TRRAP: variants seen among roughly 807,000 people sequenced by gnomAD.
TRRAP encodes transformation/transcription domain-associated protein.
TRRAP carries 41 observed loss-of-function variants against 438.8 expected under a neutral mutation model. The ratio of observed to expected loss-of-function variants is 0.09; its 90% CI spans 0.07 to 0.12. The LOEUF (loss-of-function observed/expected upper bound fraction) is 0.12, where lower values mean the gene tolerates loss of function less well. TRRAP is among the 10% of genes least tolerant of loss of function. The probability of loss-of-function intolerance (pLI) is 1.00; values close to 1 mark genes in which losing one functional copy is unlikely to be tolerated. For missense variants in TRRAP, 3,122 were observed against 5,055.1 expected, an observed-to-expected ratio of 0.62 and a Z score of 11.60; for synonymous variants, 1,994 against 1,962.9, an observed-to-expected ratio of 1.02 and a Z score of -0.42.
At chr7:98,940,374 G>A (rs1554415304) in intron 30 of TRRAP, among the ~76,000 whole-genome samples, 1 of 151,292 alleles carries the variant, frequency 6.6e-6, no homozygotes, top group Non-Finnish European at 1.5e-5. Context: ...ATTTTTAGTA[G>A]AGACGGGGCT....
intron 3 of TRRAP, among the ~76,000 whole-genome samples, chr7:98,886,273 ATATATC>A (rs578066883): frequency 2.0e-5 from 3 of 152,038 alleles, no homozygotes; most frequent in African/African-American, 4.8e-5. Context: ...CTGGGCAACA[ATATATC>A]TATATCTATA....
rs1554419758 is a variant in TRRAP, at chr7:98,956,283, G to A, written c.6075G>A (p.Leu2025=). The change falls in exon 42 of 73, where the codon CTG becomes CTA. Residue 2025 remains leucine, a synonymous_variant. Coordinates refer to ENST00000456197, the MANE Select transcript of TRRAP (RefSeq NM_001375524.1). This position sits in a 1 kb window ranked among gnomAD's most constrained non-coding sequence, Gnocchi z 4.5. ...DLSEVVIKWE[L]QRIKDQQPDS... is the part of the protein sequence containing the mutation. Reference sequence around the variant, plus strand: ...CTGAAGTCGTCATCAAGTGGGAGCTGCAGAGGATCAAGGACCAGCAGGTAG... The same window carrying A: ...CTGAAGTCGTCATCAAGTGGGAGCTACAGAGGATCAAGGACCAGCAGGTAG... 6 of 1,614,252 alleles carry A rather than the reference G, an allele frequency of 3.7e-6. No homozygotes were observed. Among genetic ancestry groups the A allele is most frequent in the Non-Finnish European group, 4.2e-6 (5 of 1,180,032 alleles).
rs1458408732 is a variant in TRRAP, at chr7:98,962,571, G to A, written c.6829+144G>A. On this transcript the variant is annotated intron_variant, in intron 47 of 72. Transcript: ENST00000456197. ...CGTTGTTCAGGTGTCTGTTGCCTGG[G>A]GCCCTCAAGGCCGCCGTCTCCTGTA... is the stretch of plus-strand genomic sequence containing the variant. 19 of 1,450,042 alleles carry A rather than the reference G, an allele frequency of 1.3e-5. No homozygotes were observed. The East Asian group carries it at 4.4e-4, about 33-fold the overall frequency. 89.8% of individuals were successfully genotyped at this position (1,450,042 alleles called of 1,614,324 possible).
chr7:98,881,815 G>C (rs1193308292), intron 2 of TRRAP, 160 bp from the exon 3 acceptor site: 2 of 654,508 alleles, frequency 3.1e-6, no homozygotes, highest in Non-Finnish European at 5.1e-6. Context: ...AAATGGGTGC[G>C]ACTGGTTGTA....
chr7:98,914,802 T>C (rs1789447898), intron 18 of TRRAP, among the ~76,000 whole-genome samples: 1 of 145,128 alleles, frequency 6.9e-6, no homozygotes, highest in Non-Finnish European at 1.5e-5. Flanking sequence ...ACAATTTTCA[T>C]AGAACTTTTT....
Position 98,976,602 on chromosome 7 carries a change from C to T in TRRAP, c.8079C>T (p.Ile2693=). ...CCATGTCCCAGTGCGTGCCGCCAAT[C>T]CCCATCCGACCCTGCGTCCTGAAGT... ...VEAMSQCVPP[I]PIRPCVLKYL... is the part of the protein sequence containing the mutation. Residue 2693 remains isoleucine, a synonymous_variant, in exon 55 of 73, where the codon ATC becomes ATT. Coordinates refer to ENST00000456197, the MANE Select transcript of TRRAP (RefSeq NM_001375524.1). The surrounding 1 kb of genome is among the most constrained non-coding windows in gnomAD (Gnocchi z 4.6). 6.2e-7 allele frequency: 1 copy of T among 1,614,222 alleles called. No individual in the cohort carries two copies. Among genetic ancestry groups the T allele is most frequent in the Non-Finnish European group, 8.5e-7 (1 of 1,180,054 alleles).
intron 67 of TRRAP, among the ~76,000 whole-genome samples, chr7:98,995,831 TGTCCCATCATA>T (rs891477072): frequency 1.7e-4 from 23 of 138,580 alleles, no homozygotes; most frequent in Non-Finnish European, 3.3e-4. Flanking sequence ...TACTTACTCT[TGTCCCATCATA>T]GACACCTACA....
At chr7:98,991,053 C>T (rs1355479666) in intron 64 of TRRAP, among the ~76,000 whole-genome samples, 2 of 152,150 alleles carry the variant, frequency 1.3e-5, no homozygotes, top group Admixed American at 6.5e-5. Context: ...GTCGCCCTTT[C>T]GACAGTTGAG....
At chr7:99,000,338 G>A (rs2116839968) in intron 67 of TRRAP, among the ~76,000 whole-genome samples, 1 of 152,270 alleles carries the variant, frequency 6.6e-6, no homozygotes, top group South Asian at 2.1e-4. Context: ...AGTTCGTGCA[G>A]ATCCCATTTA....
Position 98,983,564 on chromosome 7 carries a change from T to C in TRRAP, c.9022+105T>C, listed in dbSNP as rs219807. On this transcript the variant is annotated intron_variant, in intron 60 of 72. Coordinates refer to ENST00000456197, the MANE Select transcript of TRRAP (RefSeq NM_001375524.1). ...GGTTTGGTTTGGTTTGGTTTTTTTT[T>C]CCCCCAGGTTTTCTATTTTGGGGTA... 1,012 of 1,340,270 alleles carry C rather than the reference T, an allele frequency of 7.6e-4. 11 individuals are homozygous for C. The African/African-American group carries it at 0.013, about 18-fold the overall frequency. 83.0% of individuals were successfully genotyped at this position (1,340,270 alleles called of 1,614,324 possible). A position where few individuals can be genotyped will look rare whatever the true frequency, so the allele number is the denominator to read the frequency against.
At chr7:98,916,476 G>A (rs1331409002) in intron 19 of TRRAP, among the ~76,000 whole-genome samples, 2 of 152,180 alleles carry the variant, frequency 1.3e-5, no homozygotes, top group East Asian at 3.9e-4. Flanking sequence ...TTCTTGGTAT[G>A]GTGAGCTCTT....
chr7:98,958,188 A>G (rs1791715904), intron 44 of TRRAP, 97 bp downstream of exon 44: 5 of 1,059,604 alleles, frequency 4.7e-6, no homozygotes, highest in Non-Finnish European at 6.7e-6. Flanking sequence ...ATCAAAAAAG[A>G]TACAGACAAA....
intron 18 of TRRAP, among the ~76,000 whole-genome samples, chr7:98,913,439 C>T (rs1789374545): frequency 6.6e-6 from 1 of 152,022 alleles, no homozygotes; most frequent in South Asian, 2.1e-4. Context: ...TAGGTGCATG[C>T]CACCACGTTT....
intron 23 of TRRAP, among the ~76,000 whole-genome samples, chr7:98,929,200 A>G (rs1790210439): frequency 1.3e-5 from 2 of 151,888 alleles, no homozygotes; most frequent in Admixed American, 1.3e-4. Flanking sequence ...TCGGCCTCCC[A>G]AAGTGCTGGG....
chr7:98,937,451 A>T (rs1790608784), intron 29 of TRRAP, among the ~76,000 whole-genome samples, 174 bp downstream of exon 29: 2 of 152,276 alleles, frequency 1.3e-5, no homozygotes, highest in Non-Finnish European at 2.9e-5. Context: ...TTTCATAGTC[A>T]TACTGAGTTT....
In TRRAP at chr7:98,972,032, C is replaced by T. The variant is rs148951362; in HGVS notation, c.7839+87C>T. The stretch of plus-strand genomic sequence containing the variant: ...TCAGGATCATTCCACAGCAGTGTAA[C>T]TTTTTCTGTTTCTTTTCTTTTTCTT... On this transcript the variant is annotated intron_variant, in intron 53 of 72. Coordinates refer to ENST00000456197, the MANE Select transcript of TRRAP (RefSeq NM_001375524.1). 9.1e-3 allele frequency: 13,468 copies of T among 1,478,708 alleles called. 80 individuals carry two copies. Among genetic ancestry groups the T allele is most frequent in the Non-Finnish European group, 0.01 (11,567 of 1,109,762 alleles). 91.6% of individuals were successfully genotyped at this position (1,478,708 alleles called of 1,614,324 possible).
chr7:98,946,468 A>G (rs533240830), intron 33 of TRRAP, among the ~76,000 whole-genome samples: 1 of 149,890 alleles, frequency 6.7e-6, no homozygotes, highest in East Asian at 2.0e-4. Context: ...GTGCACACAG[A>G]CCACACGTGC....
chr7:98,902,908 T>TTA (rs1554406898), intron 11 of TRRAP, among the ~76,000 whole-genome samples: 20 of 132,152 alleles, frequency 1.5e-4, no homozygotes, highest in South Asian at 9.8e-4. Flanking sequence ...CCCCCATTTC[T>TTA]AAAAAAAAAA....
In TRRAP at chr7:98,908,863, C is replaced by T; in HGVS notation, c.1251C>T (p.Thr417=). ...AGTCCCTGCCCAGCAGCATCCAGAC[C>T]ATGTCCTGCAAGCTCCTGCTGAACC... The part of the protein sequence containing the change: ...DDESLPSSIQ[T]MSCKLLLNLV... The change falls in exon 14 of 73, where the codon ACC becomes ACT. Residue 417 remains threonine, a synonymous_variant. Transcript: ENST00000456197. This position sits in a 1 kb window ranked among gnomAD's most constrained non-coding sequence, Gnocchi z 4.1. 3 of 1,613,926 alleles carry T rather than the reference C, an allele frequency of 1.9e-6. No individual in the cohort carries two copies. Among genetic ancestry groups the T allele is most frequent in the Non-Finnish European group, 8.5e-7 (1 of 1,179,954 alleles).
Sources: allele counts gnomAD v4.1 joint callset (sites outside exome capture counted in the v4.1 genomes callset), GRCh38; gene constraint gnomAD v4.1.1; non-coding constraint Gnocchi (gnomAD v3.1); transcripts MANE v1.5; gene names NCBI Gene and HGNC (gene_info 2026-07-23, HGNC 2026-07-21).